Variants in ALK observed in about 807,000 individuals in gnomAD.
ALK encodes the protein ALK receptor tyrosine kinase, also known as ALK tyrosine kinase receptor.
ALK carries 74 observed loss-of-function variants against 163.1 expected under a neutral mutation model. That is an observed-to-expected ratio of 0.45 (90% confidence interval 0.38 to 0.55). ALK has a LOEUF of 0.55. ALK is among the 20% of genes least tolerant of loss of function. The pLI is 0.00. For synonymous variants in ALK, 960 were observed against 843.2 expected, an observed-to-expected ratio of 1.14 and a Z score of -2.40; for missense variants, 2,063 against 2,105.3, an observed-to-expected ratio of 0.98 and a Z score of 0.39.
chr2:29,488,956 A>T (rs919568405), intron 4 of ALK, among the ~76,000 whole-genome samples: 1 of 152,218 alleles, frequency 6.6e-6, no homozygotes, highest in African/African-American at 2.4e-5. Context: ...ACAAGCTCTG[A>T]AAAGAAAGCA....
chr2:29,750,643 G>GGAAA (rs1680332110), intron 1 of ALK, among the ~76,000 whole-genome samples: 7 of 62,182 alleles, frequency 1.1e-4, no homozygotes, highest in Admixed American at 9.1e-4. Context: ...AAGGAAGGAA[G>GGAAA]GAAGGAAGGA....
intron 3 of ALK, among the ~76,000 whole-genome samples, chr2:29,540,609 A>G (rs1403522907): frequency 1.4e-5 from 2 of 144,722 alleles, no homozygotes; most frequent in African/African-American, 5.0e-5. Flanking sequence ...AAAAAACCCT[A>G]TAGGTTTTTC....
intron 1 of ALK, among the ~76,000 whole-genome samples, chr2:29,799,572 C>T (rs1316108050): frequency 6.6e-6 from 1 of 152,148 alleles, no homozygotes; most frequent in East Asian, 1.9e-4. Flanking sequence ...ATAGTCCTAG[C>T]TACTCAAGAG....
intron 24 of ALK, among the ~76,000 whole-genome samples, chr2:29,212,731 A>T (rs1669497279): frequency 7.2e-6 from 1 of 138,020 alleles, no homozygotes. Flanking sequence ...TTTGAGATGC[A>T]GTTTTGCTCT....
intron 5 of ALK, among the ~76,000 whole-genome samples, chr2:29,375,331 A>T (rs1342488630): frequency 6.6e-6 from 1 of 151,756 alleles, no homozygotes; most frequent in Non-Finnish European, 1.5e-5. Context: ...TTATTTATTT[A>T]TTTTTTTGAG....
chr2:29,772,489 G>A (rs1012281834), intron 1 of ALK, among the ~76,000 whole-genome samples: 10 of 152,198 alleles, frequency 6.6e-5, no homozygotes, highest in African/African-American at 2.2e-4. Flanking sequence ...AGATGCAGGG[G>A]TGGGGTGGAG....
At chr2:29,859,361 C>G (rs933411237) in intron 1 of ALK, among the ~76,000 whole-genome samples, 1 of 152,240 alleles carries the variant, frequency 6.6e-6, no homozygotes, top group African/African-American at 2.4e-5. Context: ...CCTCCGCTCT[C>G]CCTTGAAGCC....
intron 2 of ALK, among the ~76,000 whole-genome samples, chr2:29,707,888 T>C (rs192681283): frequency 5.8e-4 from 88 of 152,246 alleles, no homozygotes; most frequent in African/African-American, 2.0e-3. Flanking sequence ...AAAGATGACA[T>C]AGACAACCAA....
At chr2:29,918,601 A>C (rs946304459) in intron 1 of ALK, among the ~76,000 whole-genome samples, 2 of 152,122 alleles carry the variant, frequency 1.3e-5, no homozygotes, top group Admixed American at 6.5e-5. Context: ...TGAAATGTGC[A>C]TCCGCACTCT....
intron 3 of ALK, among the ~76,000 whole-genome samples, chr2:29,689,304 C>T (rs1372026455): frequency 6.6e-6 from 1 of 152,126 alleles, no homozygotes; most frequent in Non-Finnish European, 1.5e-5. Flanking sequence ...TCAGCTCAGC[C>T]ACTTATTTGC....
intron 26 of ALK, among the ~76,000 whole-genome samples, chr2:29,198,778 T>A (rs1476378137): frequency 6.6e-6 from 1 of 152,212 alleles, no homozygotes; most frequent in African/African-American, 2.4e-5. Context: ...ATTCACATGG[T>A]TGGATGTTTT....
chr2:29,248,301 C>T (rs1015550649), intron 12 of ALK, among the ~76,000 whole-genome samples: 4 of 152,098 alleles, frequency 2.6e-5, no homozygotes, highest in African/African-American at 7.2e-5. Context: ...CATGGTGAAA[C>T]CCCGTCTCTA....
intron 3 of ALK, among the ~76,000 whole-genome samples, chr2:29,680,044 A>G (rs80117568): frequency 2.3e-4 from 35 of 152,174 alleles, no homozygotes; most frequent in African/African-American, 7.0e-4. Context: ...GTTTCAAATA[A>G]GAAGTCAGCC....
intron 3 of ALK, among the ~76,000 whole-genome samples, chr2:29,629,641 A>C (rs1676299463): frequency 6.6e-6 from 1 of 152,216 alleles, no homozygotes; most frequent in South Asian, 2.1e-4. Flanking sequence ...ACTGTCTTTC[A>C]ACCACAACAA....
At chr2:29,594,248 G>T (rs1053420495) in intron 3 of ALK, among the ~76,000 whole-genome samples, 1 of 152,066 alleles carries the variant, frequency 6.6e-6, no homozygotes, top group Non-Finnish European at 1.5e-5. Context: ...CTATGTTTTT[G>T]AGGTTAGGTA....
At chr2:29,438,705 G>A (rs890197063) in intron 4 of ALK, among the ~76,000 whole-genome samples, 4 of 152,180 alleles carry the variant, frequency 2.6e-5, no homozygotes, top group Non-Finnish European at 5.9e-5. Context: ...GAGCTAAGAA[G>A]TTCCACTAGT....
At chr2:29,849,848 G>A (rs999252484) in intron 1 of ALK, among the ~76,000 whole-genome samples, 1 of 152,052 alleles carries the variant, frequency 6.6e-6, no homozygotes, top group African/African-American at 2.4e-5. Flanking sequence ...GTGGCTCTCT[G>A]GTAGTGCCCT....
intron 11 of ALK, among the ~76,000 whole-genome samples, chr2:29,260,644 C>G (rs1351820711): frequency 6.6e-6 from 1 of 151,866 alleles, no homozygotes; most frequent in East Asian, 1.9e-4. Flanking sequence ...CAAGACCAGA[C>G]TGGCCAACGT....
intron 22 of ALK, chr2:29,221,092 G>A: frequency 1.6e-6 from 1 of 615,556 alleles, no homozygotes; most frequent in Non-Finnish European, 3.1e-6. Context: ...TGTTGCTCAG[G>A]CACTTGGGTG....
Sources: gnomAD v4.1 joint callset for allele counts (sites outside exome capture counted in the v4.1 genomes callset) on GRCh38, gnomAD v4.1.1 for gene constraint, MANE v1.5 for transcripts, NCBI Gene and HGNC (gene_info 2026-07-23, HGNC 2026-07-21) for gene names.